HYDIN: variants seen among roughly 807,000 people sequenced by gnomAD.
HYDIN encodes the protein axonemal central pair apparatus protein HYDIN.
HYDIN carries 132 observed loss-of-function variants against 403.9 expected under a neutral mutation model. That is an observed-to-expected ratio of 0.33 (90% CI 0.28 to 0.38). The LOEUF (loss-of-function observed/expected upper bound fraction) is 0.38, where lower values mean the gene tolerates loss of function less well. HYDIN is among the 10% of genes least tolerant of loss of function. The pLI is 1.00. For synonymous variants in HYDIN, 1,202 were observed against 1,891.7 expected (o/e 0.64, Z 9.46); for missense variants, 2,827 against 5,009.5 (o/e 0.56, Z 13.15).
intron 21 of HYDIN, among the ~76,000 whole-genome samples, chr16:71,022,496 C>G (rs192592521): frequency 6.6e-5 from 10 of 152,246 alleles, no homozygotes; most frequent in Admixed American, 3.3e-4. Context: ...TTCCTATAGA[C>G]AGGGTTGTTA....
At position 70,973,596 on chromosome 16, in the gene HYDIN, G is replaced by C. The variant is rs8046493; in HGVS notation, c.5230-104C>G. The C allele has an allele frequency of 7.9e-3, 1,406 of 177,078 alleles. 11 individuals are homozygous for C. Among genetic ancestry groups the C allele is most frequent in the African/African-American group, 0.04 (1,321 of 32,776 alleles). 11.0% of individuals were successfully genotyped at this position (177,078 alleles called of 1,614,324 possible). A position where few individuals can be genotyped will look rare whatever the true frequency, so the allele number is the denominator to read the frequency against. On this transcript the variant is annotated intron_variant, in intron 34 of 85. Coordinates refer to ENST00000393567, the MANE Select transcript of HYDIN (RefSeq NM_001270974.2). ...TTTCCTGAGTACCTCTCAGGTGTCGGGGAATGTGTAGATACCAGAGGTGCA... is the reference window on the plus strand; with the variant it reads ...TTTCCTGAGTACCTCTCAGGTGTCGCGGAATGTGTAGATACCAGAGGTGCA...
At chr16:70,946,294 A>G (rs964219650) in intron 41 of HYDIN, among the ~76,000 whole-genome samples, 1 of 143,506 alleles carries the variant, frequency 7.0e-6, no homozygotes, top group African/African-American at 2.6e-5. Flanking sequence ...TGGTGAAATC[A>G]GAATAGAGAT....
At chr16:70,882,937 T>C (rs552803669) in intron 59 of HYDIN, 42 bp from the exon 60 acceptor site, 1 of 1,459,478 alleles carries the variant, frequency 6.9e-7, no homozygotes, top group Non-Finnish European at 9.6e-7. Context: ...GCCTGATTGC[T>C]GGATTCCCAC....
chr16:71,175,524 G>C, intron 5 of HYDIN, 83 bp downstream of exon 5: 2 of 1,250,834 alleles, frequency 1.6e-6, no homozygotes, highest in East Asian at 2.4e-5. Context: ...ACCACCACCA[G>C]CACTACCGCC....
intron 8 of HYDIN, 75 bp from the exon 9 acceptor site, chr16:71,129,898 C>A: frequency 6.5e-7 from 1 of 1,544,078 alleles, no homozygotes. Flanking sequence ...CCCTCTAGTA[C>A]CTCCTCCTGG....
intron 41 of HYDIN, among the ~76,000 whole-genome samples, chr16:70,947,452 T>C (rs373069244): frequency 2.6e-5 from 4 of 152,104 alleles, no homozygotes; most frequent in East Asian, 1.9e-4. Flanking sequence ...CAGTATTTTA[T>C]TGAGGATTTT....
At chr16:71,206,390 A>G (rs113870415) in intron 1 of HYDIN, among the ~76,000 whole-genome samples, 2 of 152,364 alleles carry the variant, frequency 1.3e-5, no homozygotes, top group African/African-American at 4.8e-5. Flanking sequence ...CCATAATCAA[A>G]CATTCAAAGG....
chr16:70,812,691 T>C (rs952197685), intron 84 of HYDIN, among the ~76,000 whole-genome samples: 1 of 152,128 alleles, frequency 6.6e-6, no homozygotes, highest in Non-Finnish European at 1.5e-5. Flanking sequence ...ACCAAATAAA[T>C]GCTATTGAGA....
intron 18 of HYDIN, among the ~76,000 whole-genome samples, chr16:71,047,882 C>T (rs2081503860): frequency 6.6e-6 from 1 of 152,118 alleles, no homozygotes. Flanking sequence ...TGAAAATATA[C>T]AATACAATAT....
rs746990310 is a variant in HYDIN, at chr16:70,862,137, C to G, written c.11688G>C (p.Ser3896=). 6.2e-7 allele frequency: 1 copy of G among 1,611,644 alleles called. No individual in the cohort carries two copies. The highest frequency in any genetic ancestry group is 8.5e-7 in the Non-Finnish European group (1 of 1,179,068). Residue 3896 remains serine, a synonymous_variant, in exon 69 of 86, where the codon TCG becomes TCC. Coordinates refer to ENST00000393567, the MANE Select transcript of HYDIN (RefSeq NM_001270974.2). ...GAATCTTCCCCACCGGCACGATTCC[C>G]GAAGAGGGCTCCACAGAGAAGGGCT... ...SPQPFSVEPS[S]GIVPVGKIQK...
At position 70,941,688 on chromosome 16, in the gene HYDIN, G is replaced by C. The variant is rs777106014; in HGVS notation, c.6801C>G (p.Ala2267=). Residue 2267 remains alanine, a synonymous_variant, in exon 43 of 86, where the codon GCC becomes GCG. Coordinates refer to ENST00000393567, the MANE Select transcript of HYDIN (RefSeq NM_001270974.2). The stretch of plus-strand genomic sequence containing the variant: ...GGGCCTTCATGGCTGCGTAATCCTG[G>C]GCCATGTTGAGAATGTATATATGCT... ...SREHIYILNM[A]QDYAAMKAQE... 8.8e-6 allele frequency: 14 copies of C among 1,590,674 alleles called. No individual in the cohort carries two copies. The East Asian group carries it at 3.3e-4, about 37-fold the overall frequency.
At chr16:70,821,824 A>G (rs2036284107) in intron 83 of HYDIN, among the ~76,000 whole-genome samples, 1 of 152,138 alleles carries the variant, frequency 6.6e-6, no homozygotes, top group Non-Finnish European at 1.5e-5. Context: ...AAATGGAACA[A>G]CAAATCCTGG....
intron 24 of HYDIN, 142 bp downstream of exon 24, chr16:70,991,928 G>A: frequency 7.1e-7 from 1 of 1,407,018 alleles, no homozygotes; most frequent in East Asian, 2.5e-5. Context: ...GTCTAGTCTG[G>A]GGCCTACACA....
At chr16:71,052,118 T>G (rs2081672943) in intron 18 of HYDIN, among the ~76,000 whole-genome samples, 1 of 152,400 alleles carries the variant, frequency 6.6e-6, no homozygotes, top group African/African-American at 2.4e-5. Flanking sequence ...ATCATCCCTG[T>G]GCCTCATTTT....
In HYDIN at chr16:70,868,701, T is replaced by C. The variant is rs1291711973; in HGVS notation, c.11179A>G (p.Arg3727Gly). The change falls in exon 66 of 86, where the codon AGG (arginine) becomes GGG (glycine). Residue 3727 changes from arginine to glycine, a missense_variant. Arg to Gly is a moderately radical substitution (Grantham distance 125, BLOSUM62 -2). Transcript: ENST00000393567. ...AACATAATCCTGGAGAGCTTGCACC[T>C]GATCCGCATATTCTTTAGGTTGATG... ...VPINLKNMRI[R>G]CKLSRIMFQL... is the part of the protein sequence containing the mutation. The C allele has an allele frequency of 6.2e-7, 1 of 1,614,054 alleles. No homozygotes were observed. The highest frequency in any genetic ancestry group is 2.2e-5 in the East Asian group (1 of 44,898).
intron 45 of HYDIN, among the ~76,000 whole-genome samples, chr16:70,924,952 C>T (rs1425712451): frequency 4.0e-5 from 6 of 148,488 alleles, no homozygotes; most frequent in Non-Finnish European, 7.4e-5. Context: ...CGTGTACCCC[C>T]GTACTTAAAA....
At chr16:71,037,873 T>C (rs1006258564) in intron 18 of HYDIN, among the ~76,000 whole-genome samples, 1 of 152,250 alleles carries the variant, frequency 6.6e-6, no homozygotes, top group African/African-American at 2.4e-5. Flanking sequence ...TGACTATGGC[T>C]GGACCCCTTA....
Position 71,025,980 on chromosome 16 carries a change from A to T in HYDIN, c.3043-454T>A, listed in dbSNP as rs1483346259. ...CAATGGTGCAATCTCAGCTCACTGC[A>T]ACCTCTGCCTCCCCGGTTCAAGCGA... On this transcript the variant is annotated intron_variant, in intron 20 of 85. Transcript: ENST00000393567. 4.0e-5 allele frequency among the ~76,000 whole-genome samples: 6 copies of T among 150,358 alleles called. No homozygotes were observed. The East Asian group carries it at 1.2e-3, about 30-fold the overall frequency.
intron 11 of HYDIN, among the ~76,000 whole-genome samples, chr16:71,089,420 G>T (rs963421698): frequency 3.4e-5 from 5 of 148,246 alleles, no homozygotes; most frequent in African/African-American, 1.2e-4. Context: ...ATGTTTTCCT[G>T]ATTTATATAG....
Sources: gnomAD v4.1 joint callset for allele counts (sites outside exome capture counted in the v4.1 genomes callset) on GRCh38, gnomAD v4.1.1 for gene constraint, MANE v1.5 for transcripts, NCBI Gene and HGNC (gene_info 2026-07-23, HGNC 2026-07-21) for gene names.